Variants in CCDC62 observed in about 807,000 individuals in gnomAD.
CCDC62 encodes the protein coiled-coil domain-containing protein 62.
CCDC62 carries 72 observed loss-of-function variants against 80.8 expected under a neutral mutation model. The ratio of observed to expected loss-of-function variants is 0.89; its 90% CI spans 0.74 to 1.08. CCDC62 has a LOEUF of 1.08. CCDC62 is among the 50% of genes least tolerant of loss of function. The pLI, the probability that CCDC62 is intolerant of heterozygous loss-of-function variation, is 0.00. For synonymous variants in CCDC62, 286 were observed against 296.5 expected, an observed-to-expected ratio of 0.96 and a Z score of 0.36; for missense variants, 704 against 809.4, an observed-to-expected ratio of 0.87 and a Z score of 1.58.
At chr12:122,812,347 C>A (rs1220048827) in intron 10 of CCDC62, among the ~76,000 whole-genome samples, 2 of 150,262 alleles carry the variant, frequency 1.3e-5, no homozygotes, top group African/African-American at 4.9e-5. Context: ...GAGGCTGAGG[C>A]AGGAGAATCA....
At chr12:122,798,861 C>T (rs1475308140) in intron 8 of CCDC62, among the ~76,000 whole-genome samples, 4 of 151,710 alleles carry the variant, frequency 2.6e-5, no homozygotes, top group African/African-American at 4.8e-5. Context: ...AGGTGGATCA[C>T]GAGGTCAGGA....
intron 8 of CCDC62, among the ~76,000 whole-genome samples, chr12:122,799,496 C>T (rs2031164727): frequency 6.6e-6 from 1 of 152,180 alleles, no homozygotes; most frequent in Non-Finnish European, 1.5e-5. Flanking sequence ...TTCCTGCTTG[C>T]CTTATTAATA....
chr12:122,817,304 C>G (rs536247499), intron 11 of CCDC62, among the ~76,000 whole-genome samples: 50 of 151,486 alleles, frequency 3.3e-4, no homozygotes, highest in African/African-American at 1.2e-3. Context: ...TTGTGATCCA[C>G]CCGCCTCGGC....
intron 10 of CCDC62, 72 bp downstream of exon 10, chr12:122,806,367 C>A: frequency 7.9e-7 from 1 of 1,262,502 alleles, no homozygotes. Context: ...GCTTCTCTAG[C>A]AACCACTGTT....
At chr12:122,779,238 C>G (rs1249773820) in intron 2 of CCDC62, among the ~76,000 whole-genome samples, 2 of 152,188 alleles carry the variant, frequency 1.3e-5, no homozygotes, top group African/African-American at 4.8e-5. Flanking sequence ...AATTGAGATA[C>G]TATTTTACCT....
rs1206079653 is a variant in CCDC62, at chr12:122,785,745, G to T, written c.423G>T (p.Thr141=). The T allele has an allele frequency of 1.2e-6, 2 of 1,613,734 alleles. No homozygotes were observed. Among genetic ancestry groups the T allele is most frequent in the African/African-American group, 1.3e-5 (1 of 75,044 alleles). Residue 141 remains threonine (T), a synonymous_variant, in exon 4 of 13, where the codon ACG becomes ACT. Transcript: ENST00000253079. ...CTAGAAACGAAACTCTCAGCAACAC[G>T]TTAGTGGAACTTTCTGCCCAGGTAG... The part of the protein sequence containing the change: ...LEARNETLSN[T]LVELSAQVGQ...
rs67025764 is a variant in CCDC62, at chr12:122,811,821, CAAAAAAAAAAAAAAAAAA to C, written c.1852-1434_1852-1417del. ...TGGCAACAGAGTGAGACTCCATCTG[CAAAAAAAAAAAAAAAAAA>C]AAAAAAAAAAAAAATTCAGTCTAGG... On this transcript the variant is annotated intron_variant, in intron 10 of 12. Transcript: ENST00000253079. 1.4e-4 allele frequency among the ~76,000 whole-genome samples: 5 copies of C among 34,646 alleles called. No individual in the cohort carries two copies. The South Asian group carries it at 8.2e-3, about 57-fold the overall frequency. The allele number at this position is 34,646 out of a possible 152,430, so 22.7% of individuals were successfully genotyped here. A position where few individuals can be genotyped will look rare whatever the true frequency, so the allele number is the denominator to read the frequency against.
chr12:122,826,505 C>A lies in CCDC62; in HGVS notation c.*124C>A. 1 of 765,510 alleles carries A rather than the reference C, an allele frequency of 1.3e-6. No individual in the cohort carries two copies. Among genetic ancestry groups the A allele is most frequent in the South Asian group, 1.4e-5 (1 of 71,196 alleles). 47.4% of individuals were successfully genotyped at this position (765,510 alleles called of 1,614,324 possible). A position where few individuals can be genotyped will look rare whatever the true frequency, so the allele number is the denominator to read the frequency against. On this transcript the variant is annotated 3_prime_UTR_variant, in exon 13 of 13. Coordinates refer to ENST00000253079, the MANE Select transcript of CCDC62 (RefSeq NM_201435.5). ...GTAAAACTGAAAGAGGATTCTAGTT[C>A]TTCATAAACGGCACTTAATTCCAGC...
chr12:122,821,868 A>G (rs918649178), intron 11 of CCDC62, among the ~76,000 whole-genome samples: 6 of 152,110 alleles, frequency 3.9e-5, no homozygotes, highest in African/African-American at 1.4e-4. Context: ...ATCACCTCAC[A>G]TACTTATCAT....
At chr12:122,793,592 C>T (rs113175484) in intron 6 of CCDC62, among the ~76,000 whole-genome samples, 9,607 of 152,042 alleles carry the variant, frequency 0.063, 1,050 homozygotes, top group African/African-American at 0.22. Flanking sequence ...GGAATCCTCC[C>T]GCCTTGGCCT....
intron 8 of CCDC62, among the ~76,000 whole-genome samples, chr12:122,799,458 G>A (rs780604292): frequency 8.5e-5 from 13 of 152,182 alleles, no homozygotes; most frequent in Non-Finnish European, 1.3e-4. Flanking sequence ...CCACTCCACC[G>A]AGGGTGATCT....
At chr12:122,806,073 A>G (rs1290356590) in intron 9 of CCDC62, 78 bp from the exon 10 acceptor site, 2 of 1,302,290 alleles carry the variant, frequency 1.5e-6, no homozygotes, top group Admixed American at 2.2e-5. Flanking sequence ...TCCTTTTAAG[A>G]TACTTTTGAG....
intron 10 of CCDC62, among the ~76,000 whole-genome samples, chr12:122,807,956 A>G (rs11060112): frequency 6.6e-6 from 1 of 152,080 alleles, no homozygotes; most frequent in Non-Finnish European, 1.5e-5. Flanking sequence ...GTTGCTGACA[A>G]GTATCCTATT....
At position 122,774,703 on chromosome 12, in the gene CCDC62, C is replaced by A. The variant is rs1879298253; in HGVS notation, c.33C>A (p.Arg11=). 8.0e-7 allele frequency: 1 copy of A among 1,256,678 alleles called. No individual in the cohort carries two copies. Among genetic ancestry groups the A allele is most frequent in the Non-Finnish European group, 1.0e-6 (1 of 991,668 alleles). The allele number at this position is 1,256,678 out of a possible 1,614,324, so 77.8% of individuals were successfully genotyped here. Residue 11 remains arginine (R), a synonymous_variant, in exon 1 of 13, where the codon CGC becomes CGA. Coordinates refer to ENST00000253079, the MANE Select transcript of CCDC62 (RefSeq NM_201435.5). ...CTCCGGCAGCCTTCCTTGCCGGGCG[C>A]CAGGTAAGCAGCGGTTCCGGGCGCG... MNPPAAFLAG[R]QNIGSEVEIS...
At chr12:122,805,509 CT>C (rs34211739) in intron 9 of CCDC62, among the ~76,000 whole-genome samples, 908 of 49,506 alleles carry the variant, frequency 0.018, 11 homozygotes, top group African/African-American at 0.074. Context: ...ACACCCAGCT[CT>C]TTTTTTTTTT....
intron 10 of CCDC62, among the ~76,000 whole-genome samples, chr12:122,810,862 C>T (rs1390810412): frequency 1.3e-5 from 2 of 152,102 alleles, no homozygotes; most frequent in African/African-American, 4.8e-5. Flanking sequence ...GAGTTCGTGT[C>T]CTTTGTAGGG....
chr12:122,793,577 C>T (rs1297700352), intron 6 of CCDC62, among the ~76,000 whole-genome samples: 2 of 152,030 alleles, frequency 1.3e-5, no homozygotes, highest in Non-Finnish European at 2.9e-5. Flanking sequence ...AACTCCTGGA[C>T]TCAAGGAATC....
At chr12:122,777,784 G>A in intron 2 of CCDC62, 101 bp downstream of exon 2, 2 of 1,119,092 alleles carry the variant, frequency 1.8e-6, no homozygotes, top group South Asian at 3.0e-5. Context: ...TGCAATCCCT[G>A]TTGTCCTCAA....
At position 122,795,239 on chromosome 12, in the gene CCDC62, C is replaced by T. The variant is rs565032363; in HGVS notation, c.773-2068C>T. The stretch of plus-strand genomic sequence containing the variant: ...CTAATTTTTTGTACTTTAGTAGAGA[C>T]GTGGTTTCATTGTGTTGCCCAGGCT... On this transcript the variant is annotated intron_variant, in intron 6 of 12. Coordinates refer to ENST00000253079, the MANE Select transcript of CCDC62 (RefSeq NM_201435.5). Among the ~76,000 whole-genome samples the T allele has an allele frequency of 1.7e-3, 251 of 150,862 alleles. 1 individual carries two copies. The highest frequency in any genetic ancestry group is 5.9e-3 in the African/African-American group (242 of 41,028).
Sources: allele counts gnomAD v4.1 joint callset (sites outside exome capture counted in the v4.1 genomes callset), GRCh38; gene constraint gnomAD v4.1.1; transcripts MANE v1.5; gene names NCBI Gene and HGNC (gene_info 2026-07-23, HGNC 2026-07-21).